Variants in TFRC observed in about 807,000 individuals in gnomAD.
The protein encoded by TFRC is transferrin receptor protein 1.
TFRC carries 35 observed loss-of-function variants against 85.8 expected under a neutral mutation model. The observed-to-expected ratio is 0.41, with a 90% CI of 0.31 to 0.54. TFRC has a LOEUF of 0.54. Ranked by LOEUF, TFRC falls within the 20% of genes least tolerant of loss-of-function variation. The pLI, the probability that TFRC is intolerant of heterozygous loss-of-function variation, is 0.31. For missense variants in TFRC, 828 were observed against 921.5 expected (o/e 0.90, Z 1.31); for synonymous variants, 362 against 328.6 (o/e 1.10, Z -1.10).
In TFRC at chr3:196,061,064, C is replaced by T. The variant is rs572024232; in HGVS notation, c.1469-817G>A. ...TTTAATTGTAACTCTTTCCTTTTTT[C>T]CCCCATGTAGACATTTCACTATTCT... On this transcript the variant is annotated intron_variant, in intron 13 of 18. Transcript: ENST00000360110. Among the ~76,000 whole-genome samples the T allele has an allele frequency of 2.0e-5, 3 of 152,142 alleles. No individual in the cohort carries two copies. In the South Asian group the frequency reaches 6.2e-4, roughly 32 times the overall value.
rs368404863 is a variant in TFRC at position 196,062,571 on chromosome 3, G to A, written c.1468+11C>T. On this transcript the variant is annotated intron_variant, in intron 13 of 18. Coordinates refer to ENST00000360110, the MANE Select transcript of TFRC (RefSeq NM_001128148.3). ...CTGAATTCATACACAGCTAATGAAA[G>A]GGATACTTACCAAGAACCGCTTTAT... 22 of 1,601,244 alleles carry A rather than the reference G, an allele frequency of 1.4e-5. No homozygotes were observed. In the African/African-American group the frequency reaches 3.0e-4, roughly 22 times the overall value.
chr3:196,058,725 TA>T, intron 14 of TFRC, 93 bp from the exon 15 acceptor site: 1 of 798,500 alleles, frequency 1.3e-6, no homozygotes, highest in South Asian at 2.3e-5. Context: ...AATTTTTAAA[TA>T]AAAAACTTGT....
chr3:196,076,010 C>T (rs933159957), intron 2 of TFRC, among the ~76,000 whole-genome samples: 7 of 151,192 alleles, frequency 4.6e-5, no homozygotes, highest in Non-Finnish European at 7.4e-5. Flanking sequence ...TGGTGTCGCA[C>T]GCCTGTAATC....
Position 196,075,265 on chromosome 3 carries a change from T to C in TFRC, c.132A>G (p.Glu44=), listed in dbSNP as rs1291071893. The C allele has an allele frequency of 2.5e-6, 4 of 1,614,044 alleles. No individual in the cohort carries two copies. In the African/African-American group the frequency reaches 5.3e-5, roughly 22 times the overall value. ...SHVEMKLAVD[E]EENADNNTKA... is the part of the protein sequence containing the mutation. ...TTGTGTTATTGTCAGCATTTTCTTCTTCATCTACAGCAAGTTTCATCTCCA... is the reference window on the plus strand; with the variant it reads ...TTGTGTTATTGTCAGCATTTTCTTCCTCATCTACAGCAAGTTTCATCTCCA... Residue 44 remains glutamate, a synonymous_variant, in exon 3 of 19, where the codon GAA becomes GAG. Coordinates refer to ENST00000360110, the MANE Select transcript of TFRC (RefSeq NM_001128148.3).
chr3:196,075,891 G>A (rs941682470), intron 2 of TFRC, among the ~76,000 whole-genome samples: 1 of 150,886 alleles, frequency 6.6e-6, no homozygotes, highest in East Asian at 1.9e-4. Flanking sequence ...TCTGGGGGGG[G>A]CCGAGGCACA....
rs576031183 is a variant in TFRC, at chr3:196,050,477, C to A, written c.*1465G>T. 4.9e-6 allele frequency: 1 copy of A among 205,216 alleles called. No individual in the cohort carries two copies. The highest frequency in any genetic ancestry group is 5.9e-5 in the Admixed American group (1 of 16,822). The allele number at this position is 205,216 out of a possible 1,614,324, so 12.7% of individuals were successfully genotyped here. A position where few individuals can be genotyped will look rare whatever the true frequency, so the allele number is the denominator to read the frequency against. Reference sequence around the variant, plus strand: ...TGCATGAAGAAAATTATGGGAAACACTGTTCCCGATAATTACTTACACCCT... The same window carrying A: ...TGCATGAAGAAAATTATGGGAAACAATGTTCCCGATAATTACTTACACCCT... On this transcript the variant is annotated 3_prime_UTR_variant, in exon 19 of 19. Coordinates refer to ENST00000360110, the MANE Select transcript of TFRC (RefSeq NM_001128148.3).
In TFRC at chr3:196,055,155, G is replaced by C; in HGVS notation, c.1824C>G (p.Asn608Lys). The C allele has an allele frequency of 6.2e-7, 1 of 1,614,184 alleles. No individual in the cohort carries two copies. The highest frequency in any genetic ancestry group is 1.1e-5 in the South Asian group (1 of 91,078). The stretch of plus-strand genomic sequence containing the variant: ...GGCTGTTGTACCTCTCATAGTCCAG[G>C]TTCAATTCAACATCATGGGTTAGTT... Reference protein sequence around the residue: ...VIKLTHDVELNLDYERYNSQL... With the variant: ...VIKLTHDVELKLDYERYNSQL... The change falls in exon 17 of 19, where the codon AAC (asparagine) becomes AAG (lysine). Residue 608 changes from asparagine (N) to lysine (K), a missense_variant. Asn to Lys is a moderately conservative substitution (Grantham distance 94). Coordinates refer to ENST00000360110, the MANE Select transcript of TFRC (RefSeq NM_001128148.3).
At chr3:196,063,773 CG>C (rs41295885) in intron 11 of TFRC, among the ~76,000 whole-genome samples, 1,722 of 152,060 alleles carry the variant, frequency 0.011, 20 homozygotes, top group Middle Eastern at 0.017. Context: ...AAAAATTGGC[CG>C]GGTGTGGTTG....
chr3:196,050,427 G>A lies in TFRC; in HGVS notation c.*1515C>T, dbSNP rs1164502780. The stretch of plus-strand genomic sequence containing the variant: ...GTTGGGATACATGTTAGATACTAAC[G>A]ATCTTCAAGCTTTGAAGATGTCATT... On this transcript the variant is annotated 3_prime_UTR_variant, in exon 19 of 19. Transcript: ENST00000360110. 2 of 209,230 alleles carry A rather than the reference G, an allele frequency of 9.6e-6. No homozygotes were observed. Among genetic ancestry groups the A allele is most frequent in the African/African-American group, 2.3e-5 (1 of 43,970 alleles). 13.0% of individuals were successfully genotyped at this position (209,230 alleles called of 1,614,324 possible).
chr3:196,071,889 G>A (rs1482536356), intron 5 of TFRC, 114 bp downstream of exon 5: 2 of 1,175,026 alleles, frequency 1.7e-6, no homozygotes, highest in Non-Finnish European at 2.4e-6. Flanking sequence ...GGGCAACAGA[G>A]CGAGACTCCA....
intron 10 of TFRC, 58 bp downstream of exon 10, chr3:196,065,384 AG>A (rs1402066523): frequency 6.9e-5 from 70 of 1,020,418 alleles, no homozygotes; most frequent in Middle Eastern, 3.4e-4. Flanking sequence ...CCACATCCTT[AG>A]GAACAGAAAA....
chr3:196,051,998 G>C lies in TFRC; in HGVS notation c.2227C>G (p.Gln743Glu), dbSNP rs779889623. 6.2e-7 allele frequency: 1 copy of C among 1,614,162 alleles called. No individual in the cohort carries two copies. The highest frequency in any genetic ancestry group is 8.5e-7 in the Non-Finnish European group (1 of 1,180,032). Reference sequence around the variant, plus strand: ...CCAGAGAGGGCATTTGCAGCTCCCTGAATAGTCCAAGTAGCTAGAGCCAAC... The same window carrying C: ...CCAGAGAGGGCATTTGCAGCTCCCTCAATAGTCCAAGTAGCTAGAGCCAAC... ...NQLALATWTI[Q>E]GAANALSGDV... is the part of the protein sequence containing the mutation. Residue 743 changes from glutamine to glutamate, a missense_variant, in exon 19 of 19, where the codon CAG (glutamine) becomes GAG (glutamate). Gln to Glu is a conservative substitution (Grantham distance 29, BLOSUM62 2). Transcript: ENST00000360110.
chr3:196,071,114 C>T (rs766214758), intron 6 of TFRC, among the ~76,000 whole-genome samples: 3 of 152,168 alleles, frequency 2.0e-5, no homozygotes, highest in Non-Finnish European at 4.4e-5. Flanking sequence ...GTAAATAGAA[C>T]TAACCCATGA....
chr3:196,073,179 C>T (rs970720236), intron 4 of TFRC, among the ~76,000 whole-genome samples: 1 of 151,528 alleles, frequency 6.6e-6, no homozygotes, highest in Non-Finnish European at 1.5e-5. Context: ...GAAATCGTGC[C>T]ACTGCACTCC....
At chr3:196,068,192 C>G in intron 7 of TFRC, 62 bp from the exon 8 acceptor site, 2 of 1,268,524 alleles carry the variant, frequency 1.6e-6, no homozygotes, top group Non-Finnish European at 2.2e-6. Context: ...GAGAATACAT[C>G]CTGGACATTA....
Position 196,058,318 on chromosome 3 carries a change from G to A in TFRC, c.1643C>T (p.Ser548Phe), listed in dbSNP as rs1409644777. 6.2e-7 allele frequency: 1 copy of A among 1,613,920 alleles called. No homozygotes were observed. Among genetic ancestry groups the A allele is most frequent in the Non-Finnish European group, 8.5e-7 (1 of 1,179,986 alleles). ...ACAGAAAGAAACTGCTGGGATTCCA[G>A]AATATGCAAGGAAAGGGAAAGCAGC... ...DNAAFPFLAY[S>F]GIPAVSFCFC... Residue 548 changes from serine (S) to phenylalanine (F), a missense_variant, in exon 16 of 19, where the codon TCT becomes TTT. Ser to Phe is a radical substitution (Grantham distance 155). Transcript: ENST00000360110.
intron 1 of TFRC, among the ~76,000 whole-genome samples, chr3:196,078,651 C>T (rs1456070119): frequency 2.0e-5 from 3 of 151,070 alleles, no homozygotes; most frequent in Admixed American, 2.0e-4. Context: ...AGTGAAACTC[C>T]ATCTCAAAAA....
At chr3:196,078,985 G>T (rs953010006) in intron 1 of TFRC, among the ~76,000 whole-genome samples, 2 of 151,988 alleles carry the variant, frequency 1.3e-5, no homozygotes, top group African/African-American at 4.8e-5. Context: ...CGTTGGCCAG[G>T]CTGGTCTGGA....
chr3:196,053,202 C>G (rs961284693), intron 18 of TFRC, among the ~76,000 whole-genome samples: 1 of 152,092 alleles, frequency 6.6e-6, no homozygotes, highest in African/African-American at 2.4e-5. Context: ...CCCATTGGAG[C>G]ATACATGGAA....
Sources: gnomAD v4.1 joint callset for allele counts (sites outside exome capture counted in the v4.1 genomes callset) on GRCh38, gnomAD v4.1.1 for gene constraint, MANE v1.5 for transcripts, NCBI Gene and HGNC (gene_info 2026-07-23, HGNC 2026-07-21) for gene names.